DOCK4: variants seen among roughly 807,000 people sequenced by gnomAD.
DOCK4 encodes dedicator of cytokinesis 4.
A neutral mutation model predicts 268.1 loss-of-function variants in DOCK4; 97 were observed. The ratio of observed to expected loss-of-function variants is 0.36; its 90% CI spans 0.31 to 0.43. The LOEUF (loss-of-function observed/expected upper bound fraction) is 0.43. Ranked by LOEUF, DOCK4 falls within the 20% of genes least tolerant of loss-of-function variation. The probability of loss-of-function intolerance (pLI) is 1.00; values close to 1 mark genes in which losing one functional copy is unlikely to be tolerated. For missense variants in DOCK4, 2,145 were observed against 2,455.7 expected, an observed-to-expected ratio of 0.87 and a Z score of 2.67; for synonymous variants, 954 against 887.2, an observed-to-expected ratio of 1.08 and a Z score of -1.34.
intron 1 of DOCK4, among the ~76,000 whole-genome samples, chr7:112,096,642 A>G (rs1298502426): frequency 1.3e-5 from 2 of 152,246 alleles, no homozygotes; most frequent in Non-Finnish European, 2.9e-5. Context: ...ATATTTCATC[A>G]GACAAGAAGA....
In DOCK4 at chr7:111,859,724, C is replaced by T. The variant is rs897549269; in HGVS notation, c.2473+3648G>A. 4.0e-5 allele frequency among the ~76,000 whole-genome samples: 6 copies of T among 151,436 alleles called. No individual in the cohort carries two copies. In the South Asian group the frequency reaches 6.3e-4, roughly 16 times the overall value. Reference sequence around the variant, plus strand: ...CTGGGACTACAGGCGCCCGCCACTACGCCCGGCTAATTTTTTGTATTTTTA... The same window carrying T: ...CTGGGACTACAGGCGCCCGCCACTATGCCCGGCTAATTTTTTGTATTTTTA... On this transcript the variant is annotated intron_variant, in intron 23 of 52. Transcript: ENST00000428084.
chr7:111,942,344 C>T (rs1224570623), intron 10 of DOCK4, among the ~76,000 whole-genome samples: 3 of 152,048 alleles, frequency 2.0e-5, no homozygotes, highest in Non-Finnish European at 4.4e-5. Context: ...GCCAACATGC[C>T]CTTTTCCTAC....
chr7:112,183,970 G>A (rs578204529), intron 1 of DOCK4, among the ~76,000 whole-genome samples: 8 of 152,158 alleles, frequency 5.3e-5, no homozygotes, highest in Non-Finnish European at 1.0e-4. Context: ...CAGGATGCAC[G>A]CACCTGCCCA....
intron 23 of DOCK4, among the ~76,000 whole-genome samples, chr7:111,850,258 C>T (rs114310167): frequency 5.9e-5 from 9 of 152,088 alleles, no homozygotes; most frequent in East Asian, 5.8e-4. Context: ...CTGTCCTCAG[C>T]GAGAATCCTG....
At chr7:112,031,735 G>A (rs1251735593) in intron 1 of DOCK4, among the ~76,000 whole-genome samples, 1 of 152,170 alleles carries the variant, frequency 6.6e-6, no homozygotes, top group Non-Finnish European at 1.5e-5. Flanking sequence ...AAGAGTGCTT[G>A]CTTTACTCCA....
chr7:112,051,140 A>C (rs1453367921), intron 1 of DOCK4, among the ~76,000 whole-genome samples: 1 of 152,158 alleles, frequency 6.6e-6, no homozygotes, highest in Non-Finnish European at 1.5e-5. Flanking sequence ...TGAGTGGAAC[A>C]CTAAAAAATA....
intron 5 of DOCK4, among the ~76,000 whole-genome samples, chr7:111,990,340 A>G (rs1014979643): frequency 1.3e-5 from 2 of 152,114 alleles, no homozygotes; most frequent in Non-Finnish European, 2.9e-5. Flanking sequence ...GTCTTTCTTA[A>G]CCAGCAGCTA....
intron 8 of DOCK4, among the ~76,000 whole-genome samples, chr7:111,952,658 A>G (rs531285119): frequency 8.5e-5 from 13 of 152,332 alleles, no homozygotes; most frequent in African/African-American, 2.9e-4. Flanking sequence ...CGGTTGAAAC[A>G]TGTTGTGAGA....
At chr7:111,886,071 GA>G (rs1807813993) in intron 16 of DOCK4, among the ~76,000 whole-genome samples, 1 of 152,046 alleles carries the variant, frequency 6.6e-6, no homozygotes, top group Admixed American at 6.6e-5. Flanking sequence ...AGTTATACAA[GA>G]TATATGATTG....
chr7:111,784,978 A>G (rs1032842156), intron 32 of DOCK4, among the ~76,000 whole-genome samples: 1 of 152,186 alleles, frequency 6.6e-6, no homozygotes. Flanking sequence ...TAAACATTCA[A>G]GAAGAAAGCT....
At chr7:111,869,980 C>G (rs1169446482) in intron 20 of DOCK4, among the ~76,000 whole-genome samples, 1 of 152,134 alleles carries the variant, frequency 6.6e-6, no homozygotes, top group East Asian at 1.9e-4. Flanking sequence ...GTGCCATGGT[C>G]AATACTGTAA....
At chr7:111,901,646 T>C in intron 14 of DOCK4, 31 bp downstream of exon 14, 2 of 1,608,770 alleles carry the variant, frequency 1.2e-6, no homozygotes, top group Non-Finnish European at 1.7e-6. Context: ...TACAGACTTG[T>C]TTGACCTGGA....
intron 1 of DOCK4, among the ~76,000 whole-genome samples, chr7:112,119,305 C>T (rs1812481118): frequency 6.6e-6 from 1 of 152,170 alleles, no homozygotes; most frequent in Admixed American, 6.5e-5. Flanking sequence ...CCTCTGCCCC[C>T]ACCCCACTGT....
At chr7:111,809,738 G>A (rs763320266) in intron 28 of DOCK4, among the ~76,000 whole-genome samples, 13 of 152,192 alleles carry the variant, frequency 8.5e-5, no homozygotes, top group Non-Finnish European at 1.8e-4. Context: ...GGTTTCTCTT[G>A]TAATATGTCT....
At chr7:112,001,354 A>G (rs181258869) in intron 2 of DOCK4, among the ~76,000 whole-genome samples, 1 of 152,312 alleles carries the variant, frequency 6.6e-6, no homozygotes, top group Admixed American at 6.5e-5. Flanking sequence ...CTGCCCGCTC[A>G]GTTCCACCCA....
chr7:112,121,638 C>T (rs1185313993), intron 1 of DOCK4, among the ~76,000 whole-genome samples: 1 of 152,168 alleles, frequency 6.6e-6, no homozygotes, highest in Non-Finnish European at 1.5e-5. Flanking sequence ...AGAATAGCAA[C>T]AAATTGAATG....
At chr7:111,921,612 A>G (rs1182446697) in intron 12 of DOCK4, among the ~76,000 whole-genome samples, 2 of 152,196 alleles carry the variant, frequency 1.3e-5, no homozygotes, top group South Asian at 2.1e-4. Flanking sequence ...CAGTTTAAGA[A>G]TCATATCATA....
chr7:111,948,790 T>C (rs1795825964), intron 8 of DOCK4, among the ~76,000 whole-genome samples: 1 of 151,960 alleles, frequency 6.6e-6, no homozygotes, highest in African/African-American at 2.4e-5. Context: ...AGACAGGGTT[T>C]CACCATGTTA....
intron 1 of DOCK4, among the ~76,000 whole-genome samples, chr7:112,033,286 T>C (rs1024875902): frequency 2.6e-5 from 4 of 152,170 alleles, no homozygotes; most frequent in Admixed American, 6.5e-5. Context: ...CATTACCTAC[T>C]GCTTGAGGCT....
Sources: gnomAD v4.1 joint callset for allele counts (sites outside exome capture counted in the v4.1 genomes callset) on GRCh38, gnomAD v4.1.1 for gene constraint, MANE v1.5 for transcripts, NCBI Gene and HGNC (gene_info 2026-07-23, HGNC 2026-07-21) for gene names.